Variants in ADAMTS18 observed in about 807,000 individuals in gnomAD.
The protein encoded by ADAMTS18 is A disintegrin and metalloproteinase with thrombospondin motifs 18.
In ADAMTS18, 157 loss-of-function variants were observed where a neutral mutation model predicts 165.9. That is an observed-to-expected ratio of 0.95 (90% CI 0.83 to 1.08). ADAMTS18 has a LOEUF of 1.08. Among genes scored for constraint, ADAMTS18 ranks in the 50% least tolerant of loss-of-function variants. The pLI, the probability that ADAMTS18 is intolerant of heterozygous loss-of-function variation, is 0.00. For synonymous variants in ADAMTS18, 782 were observed against 578.2 expected (o/e 1.35, Z -5.06); for missense variants, 2,040 against 1,534.0 (o/e 1.33, Z -5.51).
At chr16:77,353,916 C>CACAGA in intron 9 of ADAMTS18, 30 bp from the exon 10 acceptor site, 2 of 1,613,758 alleles carry the variant, frequency 1.2e-6, no homozygotes, top group South Asian at 2.2e-5. Context: ...TTATTAATTA[C>CACAGA]TCTGTTGATC....
chr16:77,351,076 T>C (rs2056549316), intron 10 of ADAMTS18, among the ~76,000 whole-genome samples: 1 of 152,210 alleles, frequency 6.6e-6, no homozygotes, highest in African/African-American at 2.4e-5. Flanking sequence ...AGAGATTTTG[T>C]TGCTTTGGAA....
chr16:77,395,553 G>A (rs2057245785), intron 3 of ADAMTS18, among the ~76,000 whole-genome samples: 1 of 152,116 alleles, frequency 6.6e-6, no homozygotes, highest in East Asian at 1.9e-4. Context: ...TCCCCATAAA[G>A]CATAACTTCA....
intron 3 of ADAMTS18, among the ~76,000 whole-genome samples, chr16:77,370,918 T>C (rs1458524960): frequency 2.0e-5 from 3 of 152,152 alleles, no homozygotes; most frequent in Non-Finnish European, 2.9e-5. Context: ...AATAAGAAGA[T>C]ATTCTGTGTT....
rs115772358 is a variant in ADAMTS18, at chr16:77,355,718, T to C, written c.1460+222A>G. Among the ~76,000 whole-genome samples the C allele has an allele frequency of 1.0e-2, 1,515 of 152,240 alleles. 22 individuals are homozygous for C. Among genetic ancestry groups the C allele is most frequent in the African/African-American group, 0.033 (1,366 of 41,536 alleles). On this transcript the variant is annotated intron_variant, in intron 9 of 22. Transcript: ENST00000282849. ...GAGGATAATAGTATCGCTGTGAGGA[T>C]TGAAGGAGGAAATATGTGGAGAACA...
At chr16:77,322,154 CAAAAAAAAAAA>C (rs36089291) in intron 14 of ADAMTS18, among the ~76,000 whole-genome samples, 171 bp downstream of exon 14, 1 of 73,346 alleles carries the variant, frequency 1.4e-5, no homozygotes, top group Non-Finnish European at 2.5e-5. Flanking sequence ...AATTTCATCT[CAAAAAAAAAAA>C]AAAAAAAAAA....
At position 77,291,769 on chromosome 16, in the gene ADAMTS18, G is replaced by C. The variant is rs573362522; in HGVS notation, c.3190-291C>G. Reference sequence around the variant, plus strand: ...GGATGCCACATGGGTGTGAGATGGAGTCCAGGAGAAAGGCAAGATGGGCAA... The same window carrying C: ...GGATGCCACATGGGTGTGAGATGGACTCCAGGAGAAAGGCAAGATGGGCAA... On this transcript the variant is annotated intron_variant, in intron 20 of 22. Coordinates refer to ENST00000282849, the MANE Select transcript of ADAMTS18 (RefSeq NM_199355.4). Among the ~76,000 whole-genome samples, 10 of 152,320 alleles carry C rather than the reference G, an allele frequency of 6.6e-5. No individual in the cohort carries two copies. In the East Asian group the frequency reaches 1.9e-3, roughly 29 times the overall value.
intron 3 of ADAMTS18, among the ~76,000 whole-genome samples, chr16:77,375,954 A>G (rs2056945603): frequency 8.3e-6 from 1 of 120,876 alleles, no homozygotes; most frequent in Admixed American, 1.0e-4. Flanking sequence ...CCCAGTTTGG[A>G]CTGCAATGGC....
intron 3 of ADAMTS18, among the ~76,000 whole-genome samples, chr16:77,403,254 T>C (rs924595847): frequency 6.6e-6 from 1 of 152,244 alleles, no homozygotes; most frequent in Non-Finnish European, 1.5e-5. Flanking sequence ...AAAGAATTTT[T>C]TTATCCTTAG....
rs1364422473 is a variant in ADAMTS18 at position 77,364,762 on chromosome 16, AAAAGGAAAGC to A, written c.779-391_779-382del. On this transcript the variant is annotated intron_variant, in intron 4 of 22. Transcript: ENST00000282849. ...AAAGAAAGAAAAGAAAAGAAGAAAG[AAAAGGAAAGC>A]AAAGGAAAGCAAAGCAAAGCAAAGG... Among the ~76,000 whole-genome samples the A allele has an allele frequency of 2.3e-3, 353 of 150,624 alleles. 5 individuals carry two copies. Among genetic ancestry groups the A allele is most frequent in the African/African-American group, 7.3e-3 (293 of 40,408 alleles).
rs930037758 is a variant in ADAMTS18 at position 77,346,907 on chromosome 16, C to T, written c.1615-5108G>A. Among the ~76,000 whole-genome samples, 13 of 152,268 alleles carry T rather than the reference C, an allele frequency of 8.5e-5. No individual in the cohort carries two copies. In the East Asian group the frequency reaches 2.5e-3, roughly 29 times the overall value. ...ATATATACACCACTATAAACACCAC[C>T]ACATTCAAGGCAGAATATTTCCATC... is the stretch of plus-strand genomic sequence containing the variant. On this transcript the variant is annotated intron_variant, in intron 10 of 22. Coordinates refer to ENST00000282849, the MANE Select transcript of ADAMTS18 (RefSeq NM_199355.4).
intron 6 of ADAMTS18, 90 bp from the exon 7 acceptor site, chr16:77,362,354 A>G (rs537509528): frequency 4.2e-6 from 6 of 1,439,626 alleles, no homozygotes; most frequent in East Asian, 2.3e-5. Context: ...ACACAGAAAC[A>G]TATTTCTAGG....
At chr16:77,322,535 A>T (rs2056022207) in intron 13 of ADAMTS18, 69 bp from the exon 14 acceptor site, 3 of 1,562,946 alleles carry the variant, frequency 1.9e-6, no homozygotes, top group Non-Finnish European at 2.6e-6. Flanking sequence ...GGATTGTCAA[A>T]AGAATGAATT....
intron 3 of ADAMTS18, among the ~76,000 whole-genome samples, chr16:77,388,094 T>C (rs72801657): frequency 0.032 from 4,823 of 152,284 alleles, 99 homozygotes; most frequent in Non-Finnish European, 0.047. Flanking sequence ...TAGATTCACC[T>C]ACTCAGAAAG....
chr16:77,400,792 T>C (rs1170467418), intron 3 of ADAMTS18, among the ~76,000 whole-genome samples: 1 of 151,996 alleles, frequency 6.6e-6, no homozygotes, highest in Non-Finnish European at 1.5e-5. Flanking sequence ...TAAGAGATTA[T>C]GGCAGAATTT....
Position 77,362,255 on chromosome 16 carries a change from A to G in ADAMTS18, c.1066T>C (p.Leu356=), listed in dbSNP as rs202170034. The G allele has an allele frequency of 1.7e-5, 27 of 1,614,180 alleles. No individual in the cohort carries two copies. The highest frequency in any genetic ancestry group is 1.3e-4 in the Admixed American group (8 of 60,024). The change falls in exon 7 of 23, where the codon TTG becomes CTG. Residue 356 remains leucine (L), a synonymous_variant. Transcript: ENST00000282849. ...GACTGGTCTGCATGATGGTTGATCA[A>G]TAATCCTCCCTATGGGAAACCCACA... is the stretch of plus-strand genomic sequence containing the variant. ...ILLEQEPGGL[L]INHHADQSLN...
Position 77,331,495 on chromosome 16 carries a change from C to G in ADAMTS18, c.1859+4261G>C, listed in dbSNP as rs116789779. ...CTAAAACAACATCATTGTTTTAATA[C>G]TGTTATTAAAACAATAACCTGGTAT... On this transcript the variant is annotated intron_variant, in intron 12 of 22. Transcript: ENST00000282849. 3.9e-5 allele frequency among the ~76,000 whole-genome samples: 6 copies of G among 152,168 alleles called. No individual in the cohort carries two copies. The South Asian group carries it at 1.0e-3, about 26-fold the overall frequency.
At chr16:77,305,680 G>C (rs1175921364) in intron 16 of ADAMTS18, among the ~76,000 whole-genome samples, 1 of 152,076 alleles carries the variant, frequency 6.6e-6, no homozygotes, top group Non-Finnish European at 1.5e-5. Flanking sequence ...TCGTTTCATG[G>C]TTGGAGAATA....
chr16:77,324,338 C>G (rs1286577029), intron 13 of ADAMTS18, among the ~76,000 whole-genome samples: 1 of 152,254 alleles, frequency 6.6e-6, no homozygotes, highest in Non-Finnish European at 1.5e-5. Context: ...TACGAAATCA[C>G]TCAGCTCCTG....
intron 16 of ADAMTS18, among the ~76,000 whole-genome samples, chr16:77,314,778 A>ATATATATATATATATG (rs1366859577): frequency 1.2e-5 from 1 of 85,512 alleles, no homozygotes; most frequent in Non-Finnish European, 2.4e-5. Flanking sequence ...ATATATATAT[A>ATATATATATATATATG]TATATATAAA....
Sources: gnomAD v4.1 joint callset for allele counts (sites outside exome capture counted in the v4.1 genomes callset) on GRCh38, gnomAD v4.1.1 for gene constraint, MANE v1.5 for transcripts, NCBI Gene and HGNC (gene_info 2026-07-23, HGNC 2026-07-21) for gene names.